Variants in TUFT1 observed in about 807,000 individuals in gnomAD.
The protein encoded by TUFT1 is tuftelin 1, also known as tuftelin.
In TUFT1, 43 loss-of-function variants were observed where a neutral mutation model predicts 57.8. That is an observed-to-expected ratio of 0.74 (90% CI 0.58 to 0.96). TUFT1 has a LOEUF of 0.96. Among genes scored for constraint, TUFT1 ranks in the 40% least tolerant of loss-of-function variants. TUFT1 has a pLI of 0.00. For synonymous variants in TUFT1, 166 were observed against 176.7 expected (o/e 0.94, Z 0.48); for missense variants, 459 against 489.0 (o/e 0.94, Z 0.58).
Position 151,581,900 on chromosome 1 carries a change from T to A in TUFT1, c.*193T>A. 4.7e-6 allele frequency: 3 copies of A among 638,804 alleles called. No individual in the cohort carries two copies. The highest frequency in any genetic ancestry group is 8.4e-6 in the Non-Finnish European group (3 of 355,628). The allele number at this position is 638,804 out of a possible 1,614,324, so 39.6% of individuals were successfully genotyped here. On this transcript the variant is annotated 3_prime_UTR_variant, in exon 13 of 13. Transcript: ENST00000368849. ...GGGCAGACGGAGCACGAGCACCTAT[T>A]CAAGGCACTGCAGCCCTTTGGAAGA...
At chr1:151,579,571 C>T in intron 10 of TUFT1, 78 bp from the exon 11 acceptor site, 10 of 1,481,152 alleles carry the variant, frequency 6.8e-6, no homozygotes, top group Non-Finnish European at 9.3e-6. Flanking sequence ...CTGCCTTCCC[C>T]AGCAGCTGGG....
intron 3 of TUFT1, 77 bp from the exon 4 acceptor site, chr1:151,563,826 AG>A: frequency 8.0e-7 from 1 of 1,245,666 alleles, no homozygotes; most frequent in East Asian, 2.3e-5. Context: ...CCCTCCCACC[AG>A]CACTATATGA....
chr1:151,546,411 G>A (rs1040076505), intron 1 of TUFT1, among the ~76,000 whole-genome samples: 8 of 152,156 alleles, frequency 5.3e-5, no homozygotes, highest in Non-Finnish European at 1.2e-4. Context: ...TTTAAAGTAT[G>A]TAACTCAGTG....
At chr1:151,542,463 C>T (rs1331075879) in intron 1 of TUFT1, among the ~76,000 whole-genome samples, 1 of 151,578 alleles carries the variant, frequency 6.6e-6, no homozygotes, top group African/African-American at 2.4e-5. Context: ...AACTCCTGGG[C>T]TCAAGCAGTC....
At position 151,545,797 on chromosome 1, in the gene TUFT1, C is replaced by T. The variant is rs975010929; in HGVS notation, c.60+5371C>T. 4 of 531,076 alleles carry T rather than the reference C, an allele frequency of 7.5e-6. No individual in the cohort carries two copies. The African/African-American group carries it at 7.7e-5, about 10-fold the overall frequency. The allele number at this position is 531,076 out of a possible 1,614,324, so 32.9% of individuals were successfully genotyped here. A position where few individuals can be genotyped will look rare whatever the true frequency, so the allele number is the denominator to read the frequency against. ...CCTACAGATAGACCCAGGGTGAAGA[C>T]CTGAGTAACCTTTGCTAGTCCTGAC... is the stretch of plus-strand genomic sequence containing the variant. On this transcript the variant is annotated intron_variant, in intron 1 of 12. Transcript: ENST00000368849.
chr1:151,578,947 C>A, intron 10 of TUFT1, 121 bp downstream of exon 10: 1 of 730,786 alleles, frequency 1.4e-6, no homozygotes, highest in Non-Finnish European at 2.2e-6. Flanking sequence ...TTATAGCTAC[C>A]AATTACCAGG....
At chr1:151,570,827 C>T (rs139099264) in intron 7 of TUFT1, among the ~76,000 whole-genome samples, 2,929 of 152,268 alleles carry the variant, frequency 0.019, 45 homozygotes, top group Non-Finnish European at 0.03. Flanking sequence ...CCACTTCAGC[C>T]TCCTGAGTAG....
intron 1 of TUFT1, among the ~76,000 whole-genome samples, chr1:151,561,166 T>C (rs565836453): frequency 6.6e-6 from 1 of 151,980 alleles, no homozygotes; most frequent in East Asian, 1.9e-4. Context: ...GCTGATTTTG[T>C]TTTTGTATTT....
rs765505279 is a variant in TUFT1 at position 151,540,383 on chromosome 1, A to G, written c.17A>G (p.Asn6Ser). The change falls in exon 1 of 13, where the codon AAC becomes AGC. Residue 6 changes from asparagine to serine, a missense_variant. Transcript: ENST00000368849. MNGTR[N>S]WCTLVDVHPE... ...CGAGGGAAGATGAACGGGACGCGGA[A>G]CTGGTGTACCCTGGTGGACGTGCAC... is the stretch of plus-strand genomic sequence containing the variant. The G allele has an allele frequency of 4.3e-6, 7 of 1,614,034 alleles. No homozygotes were observed. In the African/African-American group the frequency reaches 5.3e-5, roughly 12 times the overall value.
At chr1:151,552,533 A>G (rs893445864) in intron 1 of TUFT1, among the ~76,000 whole-genome samples, 1 of 151,982 alleles carries the variant, frequency 6.6e-6, no homozygotes, top group Non-Finnish European at 1.5e-5. Flanking sequence ...GTGAAACCCC[A>G]TCTCTACTAA....
rs750089039 is a variant in TUFT1, at chr1:151,562,573, C to T, written c.136-12C>T. On this transcript the variant is annotated splice_polypyrimidine_tract_variant and intron_variant, in intron 2 of 12. Coordinates refer to ENST00000368849, the MANE Select transcript of TUFT1 (RefSeq NM_020127.3). ...CTCTCTCTCTCTCTCTCTCTCATCT[C>T]TCTTTGGCCAGGCGGGCAGGAAGAC... is the stretch of plus-strand genomic sequence containing the variant. 1 of 1,610,102 alleles carries T rather than the reference C, an allele frequency of 6.2e-7. No individual in the cohort carries two copies. Among genetic ancestry groups the T allele is most frequent in the South Asian group, 1.1e-5 (1 of 90,714 alleles).
chr1:151,574,567 T>C (rs561215864), intron 8 of TUFT1, among the ~76,000 whole-genome samples, 169 bp downstream of exon 8: 2 of 152,314 alleles, frequency 1.3e-5, no homozygotes, highest in South Asian at 4.1e-4. Context: ...TTCAAGGAAT[T>C]AGCCTCCCCC....
intron 3 of TUFT1, among the ~76,000 whole-genome samples, 181 bp from the exon 4 acceptor site, chr1:151,563,723 A>G (rs1665971232): frequency 6.6e-6 from 1 of 152,216 alleles, no homozygotes; most frequent in Non-Finnish European, 1.5e-5. Context: ...AAATTTCCAG[A>G]AGTAGAACTG....
At position 151,540,375 on chromosome 1, in the gene TUFT1, G is replaced by C. The variant is rs776077911; in HGVS notation, c.9G>C (p.Gly3=). Residue 3 remains glycine (G), a synonymous_variant, in exon 1 of 13, where the codon GGG becomes GGC. Coordinates refer to ENST00000368849, the MANE Select transcript of TUFT1 (RefSeq NM_020127.3). ...TGCGACCCCGAGGGAAGATGAACGG[G>C]ACGCGGAACTGGTGTACCCTGGTGG... is the stretch of plus-strand genomic sequence containing the variant. MN[G]TRNWCTLVDV... is the part of the protein sequence containing the mutation. 6.2e-7 allele frequency: 1 copy of C among 1,614,174 alleles called. No individual in the cohort carries two copies.
intron 2 of TUFT1, 30 bp downstream of exon 2, chr1:151,562,195 C>G: frequency 6.3e-7 from 1 of 1,581,082 alleles, no homozygotes. Context: ...GGCAAGGCCC[C>G]CTCCCCACAC....
intron 1 of TUFT1, among the ~76,000 whole-genome samples, chr1:151,556,472 G>C (rs1290854687): frequency 6.7e-6 from 1 of 149,514 alleles, no homozygotes; most frequent in Non-Finnish European, 1.5e-5. Context: ...GCTGTGGTAT[G>C]ATAGCAGCTA....
chr1:151,561,873 A>C (rs1203049560), intron 1 of TUFT1: 2 of 1,509,232 alleles, frequency 1.3e-6, no homozygotes, highest in Admixed American at 4.0e-5. Flanking sequence ...TTTGTTGTGA[A>C]AGAAAAAACT....
At chr1:151,564,128 C>T (rs1393014409) in intron 4 of TUFT1, 138 bp downstream of exon 4, 8 of 665,326 alleles carry the variant, frequency 1.2e-5, no homozygotes, top group East Asian at 2.7e-5. Context: ...CATGCCCTCC[C>T]GTGTGTCAAA....
intron 1 of TUFT1, chr1:151,561,824 G>C (rs1384471204): frequency 1.4e-6 from 2 of 1,448,058 alleles, no homozygotes; most frequent in Non-Finnish European, 1.8e-6. Flanking sequence ...AACCAGGGTA[G>C]CCCTGCTGGA....
Sources: gnomAD v4.1 joint callset for allele counts (sites outside exome capture counted in the v4.1 genomes callset) on GRCh38, gnomAD v4.1.1 for gene constraint, MANE v1.5 for transcripts, NCBI Gene and HGNC (gene_info 2026-07-23, HGNC 2026-07-21) for gene names.